The following GRM8 variants were observed in gnomAD, a reference collection of about 807,000 sequenced individuals.
GRM8 encodes the protein metabotropic glutamate receptor 8.
Under a neutral mutation model 87.2 loss-of-function variants are expected in GRM8, and 47 were observed. That is an observed-to-expected ratio of 0.54 (90% CI 0.43 to 0.69). The LOEUF (loss-of-function observed/expected upper bound fraction) is 0.69, where lower values mean the gene tolerates loss of function less well. Ranked by LOEUF, GRM8 falls within the 30% of genes least tolerant of loss-of-function variation. GRM8 has a pLI of 0.00. For synonymous variants in GRM8, 396 were observed against 404.5 expected (o/e 0.98, Z 0.25); for missense variants, 1,019 against 1,139.2 (o/e 0.89, Z 1.52).
chr7:127,037,999 A>C (rs1818007382), intron 3 of GRM8, among the ~76,000 whole-genome samples: 2 of 152,340 alleles, frequency 1.3e-5, no homozygotes, highest in South Asian at 4.1e-4. Context: ...GTTACATATG[A>C]AATACATGTA....
intron 2 of GRM8, among the ~76,000 whole-genome samples, chr7:127,208,597 G>A (rs529348917): frequency 3.3e-4 from 51 of 152,284 alleles, no homozygotes; most frequent in African/African-American, 1.0e-3. Context: ...CTCTAGAGCC[G>A]GTCTCTGCCA....
At chr7:126,790,013 C>CTTTT (rs566817323) in intron 6 of GRM8, among the ~76,000 whole-genome samples, 4 of 146,146 alleles carry the variant, frequency 2.7e-5, no homozygotes, top group African/African-American at 1.0e-4. Flanking sequence ...TTCTCTCTCT[C>CTTTT]TTTTTTTTTT....
At chr7:127,002,347 T>G (rs900479804) in intron 3 of GRM8, among the ~76,000 whole-genome samples, 2 of 151,602 alleles carry the variant, frequency 1.3e-5, no homozygotes. Flanking sequence ...AAATCAAGTT[T>G]AAGGATAAGC....
At chr7:126,989,971 G>A (rs1586688372) in intron 3 of GRM8, among the ~76,000 whole-genome samples, 1 of 151,980 alleles carries the variant, frequency 6.6e-6, no homozygotes, top group Admixed American at 6.6e-5. Context: ...TGGGGGATAG[G>A]AAGGCAGAGA....
intron 3 of GRM8, among the ~76,000 whole-genome samples, chr7:127,099,332 G>C (rs1040724203): frequency 7.2e-5 from 11 of 152,086 alleles, no homozygotes; most frequent in Non-Finnish European, 1.3e-4. Context: ...AAGACCAAAA[G>C]GGGAAATAAA....
chr7:126,478,286 T>C (rs1404077272), intron 9 of GRM8, among the ~76,000 whole-genome samples: 1 of 152,138 alleles, frequency 6.6e-6, no homozygotes, highest in African/African-American at 2.4e-5. Flanking sequence ...TACTTTTTAC[T>C]TTAATATTCT....
At chr7:126,948,279 T>C (rs1324133122) in intron 3 of GRM8, among the ~76,000 whole-genome samples, 1 of 151,852 alleles carries the variant, frequency 6.6e-6, no homozygotes, top group Non-Finnish European at 1.5e-5. Flanking sequence ...TGGAGGAGGA[T>C]ATAATTGAGC....
intron 9 of GRM8, among the ~76,000 whole-genome samples, chr7:126,486,422 T>C (rs145638872): frequency 1.3e-5 from 2 of 152,130 alleles, no homozygotes; most frequent in Non-Finnish European, 2.9e-5. Context: ...TTGAATATGT[T>C]TACTTGGCCA....
At chr7:126,757,904 AT>A (rs1817193038) in intron 7 of GRM8, among the ~76,000 whole-genome samples, 1 of 152,142 alleles carries the variant, frequency 6.6e-6, no homozygotes, top group African/African-American at 2.4e-5. Flanking sequence ...GTTTTAGGTC[AT>A]TTTACTCCCA....
chr7:126,956,324 CTATTA>C (rs1808679193), intron 3 of GRM8, among the ~76,000 whole-genome samples: 1 of 152,126 alleles, frequency 6.6e-6, no homozygotes, highest in Admixed American at 6.5e-5. Flanking sequence ...ATATCACTTA[CTATTA>C]TATTATTTCT....
chr7:127,188,182 A>G (rs544496347), intron 2 of GRM8, among the ~76,000 whole-genome samples: 2 of 152,232 alleles, frequency 1.3e-5, no homozygotes, highest in Non-Finnish European at 2.9e-5. Flanking sequence ...AACTTATGAC[A>G]GAAGCATTAT....
chr7:126,918,790 T>G (rs114112480), intron 3 of GRM8, among the ~76,000 whole-genome samples: 1 of 152,264 alleles, frequency 6.6e-6, no homozygotes, highest in African/African-American at 2.4e-5. Flanking sequence ...ATAGCCGGTG[T>G]TTTATAACAT....
intron 8 of GRM8, among the ~76,000 whole-genome samples, chr7:126,536,427 C>T (rs1815732162): frequency 6.6e-6 from 1 of 152,114 alleles, no homozygotes; most frequent in African/African-American, 2.4e-5. Flanking sequence ...GATATCCTCC[C>T]TTGAGAAAGT....
chr7:126,914,901 A>AC (rs1020474036), intron 3 of GRM8, among the ~76,000 whole-genome samples: 80 of 152,018 alleles, frequency 5.3e-4, no homozygotes, highest in African/African-American at 1.6e-3. Context: ...CTGCTCATGT[A>AC]CCCCCCCAAT....
intron 7 of GRM8, among the ~76,000 whole-genome samples, chr7:126,717,706 C>T (rs1315666365): frequency 6.6e-6 from 1 of 151,914 alleles, no homozygotes; most frequent in South Asian, 2.1e-4. Context: ...CTTGTAAAAA[C>T]ATAAAAATTT....
chr7:127,152,026 G>A (rs1792413801), intron 2 of GRM8, among the ~76,000 whole-genome samples: 1 of 152,012 alleles, frequency 6.6e-6, no homozygotes, highest in Non-Finnish European at 1.5e-5. Context: ...TTTATTTTTA[G>A]TGTTGAAAAT....
intron 7 of GRM8, among the ~76,000 whole-genome samples, chr7:126,723,406 G>C (rs1368603392): frequency 6.6e-6 from 1 of 152,018 alleles, no homozygotes; most frequent in Non-Finnish European, 1.5e-5. Context: ...AACAGGCCTG[G>C]GTGGAGGAAA....
chr7:126,708,378 G>A (rs1007083065), intron 7 of GRM8, among the ~76,000 whole-genome samples: 5 of 151,972 alleles, frequency 3.3e-5, no homozygotes, highest in African/African-American at 7.2e-5. Flanking sequence ...ACTACTAGGT[G>A]TATTTCCAAA....
intron 2 of GRM8, among the ~76,000 whole-genome samples, chr7:127,218,338 A>T (rs956441252): frequency 2.0e-5 from 3 of 152,218 alleles, no homozygotes; most frequent in African/African-American, 7.2e-5. Context: ...GGACTCCAGC[A>T]TCCATGTTTC....
Sources: allele counts gnomAD v4.1 joint callset (sites outside exome capture counted in the v4.1 genomes callset), GRCh38; gene constraint gnomAD v4.1.1; transcripts MANE v1.5; gene names NCBI Gene and HGNC (gene_info 2026-07-23, HGNC 2026-07-21).